SMG5: variants seen among roughly 807,000 people sequenced by gnomAD.
SMG5 encodes the protein SMG5 nonsense mediated mRNA decay factor.
A neutral mutation model predicts 122.9 loss-of-function variants in SMG5; 53 were observed. The ratio of observed to expected loss-of-function variants is 0.43; its 90% CI spans 0.35 to 0.54. The LOEUF (loss-of-function observed/expected upper bound fraction) is 0.54. SMG5 is among the 20% of genes least tolerant of loss of function. SMG5 has a pLI of 0.01. For missense variants in SMG5, 1,153 were observed against 1,285.6 expected (o/e 0.90, Z 1.58); for synonymous variants, 477 against 490.2 (o/e 0.97, Z 0.35).
At position 156,260,538 on chromosome 1, in the gene SMG5, C is replaced by T. The variant is rs1421270702; in HGVS notation, c.2196G>A (p.Met732Ile). Residue 732 changes from methionine to isoleucine, a missense_variant, in exon 15 of 22, where the codon ATG becomes ATA. This residue lies in a region of SMG5 where 631 missense variants were observed against 650.6 expected (regional missense o/e 0.97). Transcript: ENST00000361813. ...LPSSLLLPED[M>I]ALRNLPPLRA... ...GGAGCGGGGGCAGGTTACGAAGAGC[C>T]ATGTCCTCTGGGAGCAGAAGGCTAG... The T allele has an allele frequency of 6.4e-7, 1 of 1,573,318 alleles. No individual in the cohort carries two copies. Among genetic ancestry groups the T allele is most frequent in the South Asian group, 1.2e-5 (1 of 85,050 alleles).
At chr1:156,262,857 A>G (rs1444886729) in intron 13 of SMG5, among the ~76,000 whole-genome samples, 1 of 152,186 alleles carries the variant, frequency 6.6e-6, no homozygotes, top group Admixed American at 6.5e-5. Flanking sequence ...GCCTCTGGGA[A>G]TTAGAAGTTC....
chr1:156,260,425 T>C, intron 15 of SMG5, 26 bp downstream of exon 15: 1 of 1,591,176 alleles, frequency 6.3e-7, no homozygotes, highest in Non-Finnish European at 8.5e-7. Context: ...CAAACAGAGC[T>C]GTGGCATAAG....
chr1:156,280,862 C>T (rs944417986), intron 1 of SMG5, among the ~76,000 whole-genome samples: 9 of 152,158 alleles, frequency 5.9e-5, no homozygotes, highest in African/African-American at 1.7e-4. Context: ...ATTGTACTCT[C>T]GGGCCTAGCA....
chr1:156,270,880 G>A (rs142750216), intron 7 of SMG5, among the ~76,000 whole-genome samples: 85 of 152,182 alleles, frequency 5.6e-4, no homozygotes, highest in African/African-American at 1.4e-3. Context: ...TGTGGTGCAT[G>A]TCTGTAATCC....
In SMG5 at chr1:156,263,574, G is replaced by T. The variant is rs190523452; in HGVS notation, c.1856-4C>A. ...GACTCAGAGCCCTCCTCAGAGGCTG[G>T]GGGGTGGGTGAATGGAAGAGAAAAA... is the stretch of plus-strand genomic sequence containing the variant. On this transcript the variant is annotated splice_polypyrimidine_tract_variant and splice_region_variant and intron_variant, in intron 12 of 21. Coordinates refer to ENST00000361813, the MANE Select transcript of SMG5 (RefSeq NM_015327.3). The T allele has an allele frequency of 5.6e-6, 9 of 1,610,870 alleles. No individual in the cohort carries two copies. The highest frequency in any genetic ancestry group is 7.6e-6 in the Non-Finnish European group (9 of 1,178,030).
At chr1:156,291,046 G>T in the SMG5 span, 4 of 280,674 alleles carry the variant, frequency 1.4e-5, no homozygotes, top group Admixed American at 4.7e-5. Context: ...AGTCTGAGGT[G>T]AGAGAATCAC....
Position 156,253,632 on chromosome 1 carries a change from G to A in SMG5, c.2443-124C>T, listed in dbSNP as rs919356913. ...TCATGCAAAGTCACTCTCTAGCACT[G>A]CTGCTGAATGAGGGGAGGAGAGGCA... On this transcript the variant is annotated intron_variant, in intron 16 of 21. Transcript: ENST00000361813. The A allele has an allele frequency of 1.2e-5, 10 of 835,620 alleles. No individual in the cohort carries two copies. In the East Asian group the frequency reaches 2.5e-4, roughly 21 times the overall value. 51.8% of individuals were successfully genotyped at this position (835,620 alleles called of 1,614,324 possible).
Position 156,261,350 on chromosome 1 carries a change from C to T in SMG5, c.2090G>A (p.Gly697Asp). 6.2e-7 allele frequency: 1 copy of T among 1,614,150 alleles called. No homozygotes were observed. The highest frequency in any genetic ancestry group is 8.5e-7 in the Non-Finnish European group (1 of 1,180,030). The change falls in exon 14 of 22, where the codon GGT (glycine) becomes GAT (aspartate). Residue 697 changes from glycine to aspartate, a missense_variant. By Grantham distance (94) the Gly-to-Asp change is moderately conservative. Around this residue, in one of 5 missense-constraint regions of SMG5, gnomAD observed 631 missense variants for 650.6 expected, o/e 0.97. Transcript: ENST00000361813. The part of the protein sequence containing the change: ...SVLLNLLPAA[G>D]ELQESGLALC... ...CCACTCACCAGACTCCTGGAGTTCA[C>T]CAGCAGCAGGCAACAGATTCAGCAA...
At chr1:156,289,077 C>T in the SMG5 span, among the ~76,000 whole-genome samples, 173 of 152,308 alleles carry the variant, frequency 1.1e-3, 3 homozygotes, top group East Asian at 0.026. Context: ...TCTTCTTTAC[C>T]ATGGACAAGT....
chr1:156,251,260 G>A (rs535176395), intron 20 of SMG5, 143 bp downstream of exon 20: 135 of 1,041,936 alleles, frequency 1.3e-4, no homozygotes, highest in Non-Finnish European at 1.2e-4. Flanking sequence ...CGTACTCCTC[G>A]CAAGGTGAGG....
rs534654365 is a variant in SMG5, at chr1:156,261,101, C to T, written c.2107+232G>A. Among the ~76,000 whole-genome samples, 8 of 152,314 alleles carry T rather than the reference C, an allele frequency of 5.3e-5. No individual in the cohort carries two copies. In the South Asian group the frequency reaches 1.7e-3, roughly 32 times the overall value. On this transcript the variant is annotated intron_variant, in intron 14 of 21. Transcript: ENST00000361813. ...GGCCCTCTCACTCTGCCCTTGCATT[C>T]CCTAGGGAGCACACTCCCTTGCTGA... is the stretch of plus-strand genomic sequence containing the variant.
chr1:156,263,156 G>A (rs1661933774), intron 13 of SMG5, among the ~76,000 whole-genome samples: 1 of 152,190 alleles, frequency 6.6e-6, no homozygotes, highest in South Asian at 2.1e-4. Flanking sequence ...CCCAGCATTG[G>A]GGATACAAAG....
intron 13 of SMG5, 85 bp from the exon 14 acceptor site, chr1:156,261,493 G>C (rs1661837131): frequency 6.2e-6 from 7 of 1,137,048 alleles, no homozygotes; most frequent in Non-Finnish European, 9.3e-6. Flanking sequence ...CACCCTGAGG[G>C]ATCTGGCCTA....
At chr1:156,275,782 C>T (rs976654430) in intron 4 of SMG5, among the ~76,000 whole-genome samples, 12 of 151,632 alleles carry the variant, frequency 7.9e-5, no homozygotes, top group Admixed American at 3.9e-4. Context: ...GGACATGGTC[C>T]CAGAATAATC....
upstream of SMG5, chr1:156,286,244 T>C: frequency 1.9e-6 from 3 of 1,613,308 alleles, no homozygotes; most frequent in Non-Finnish European, 2.5e-6. Flanking sequence ...CTACCCTGTT[T>C]CCCAACTCCA....
chr1:156,281,585 G>A (rs1414495409), intron 1 of SMG5, among the ~76,000 whole-genome samples: 1 of 152,210 alleles, frequency 6.6e-6, no homozygotes, highest in Non-Finnish European at 1.5e-5. Flanking sequence ...TACTCAAAGA[G>A]AAAAAGACAA....
chr1:156,291,433 C>T, the SMG5 span: 2 of 1,614,036 alleles, frequency 1.2e-6, no homozygotes, highest in Non-Finnish European at 8.5e-7. Flanking sequence ...TCCGAGGCTT[C>T]GGCTACGGCC....
upstream of SMG5, among the ~76,000 whole-genome samples, chr1:156,284,865 T>G (rs1224382187): frequency 6.6e-6 from 1 of 152,120 alleles, no homozygotes; most frequent in Non-Finnish European, 1.5e-5. Flanking sequence ...TGGCCATGAC[T>G]CCAGGGGTTT....
rs374912820 is a variant in SMG5, at chr1:156,278,990, T to C, written c.119A>G (p.Asn40Ser). Residue 40 changes from asparagine to serine, a missense_variant, in exon 2 of 22, where the codon AAC (asparagine) becomes AGC (serine). Physicochemically the swap from Asn to Ser is conservative, Grantham distance 46. Around this residue, in one of 5 missense-constraint regions of SMG5, gnomAD observed 213 missense variants for 197.5 expected, o/e 1.08. Transcript: ENST00000361813. ...GAATACTTCTTGATAAGCAGTTTTG[T>C]TGCAAAGGATGAGGTCAAGTCGATG... Reference protein sequence around the residue: ...AVHRLDLILCNKTAYQEVFKP... With the variant: ...AVHRLDLILCSKTAYQEVFKP... 3.7e-5 allele frequency: 60 copies of C among 1,614,066 alleles called. No individual in the cohort carries two copies. The highest frequency in any genetic ancestry group is 2.8e-4 in the African/African-American group (21 of 74,920).
Sources: allele counts gnomAD v4.1 joint callset (sites outside exome capture counted in the v4.1 genomes callset), GRCh38; gene constraint gnomAD v4.1.1; regional missense constraint gnomAD v4.1.1; transcripts MANE v1.5; gene names NCBI Gene and HGNC (gene_info 2026-07-23, HGNC 2026-07-21).